The following ABHD17C variants were observed in gnomAD, a reference collection of about 807,000 sequenced individuals.
ABHD17C encodes abhydrolase domain containing 17C, depalmitoylase.
In ABHD17C, 11 loss-of-function variants were observed where a neutral mutation model predicts 27.9. The ratio of observed to expected loss-of-function variants is 0.39; its 90% CI spans 0.25 to 0.65. The LOEUF (loss-of-function observed/expected upper bound fraction) is 0.65, where lower values mean the gene tolerates loss of function less well. ABHD17C is among the 30% of genes least tolerant of loss of function. ABHD17C has a pLI of 0.45. For synonymous variants in ABHD17C, 233 were observed against 209.1 expected, an observed-to-expected ratio of 1.11 and a Z score of -0.98; for missense variants, 280 against 470.2, an observed-to-expected ratio of 0.60 and a Z score of 3.74.
chr15:80,752,778 G>A (rs1055151352), intron 2 of ABHD17C, among the ~76,000 whole-genome samples: 2 of 152,150 alleles, frequency 1.3e-5, no homozygotes, highest in African/African-American at 2.4e-5. Flanking sequence ...ATTTATTTGT[G>A]GATGAAATGA....
chr15:80,719,705 A>T (rs181897586), intron 1 of ABHD17C, among the ~76,000 whole-genome samples: 2 of 152,162 alleles, frequency 1.3e-5, no homozygotes, highest in African/African-American at 4.8e-5. Flanking sequence ...GTGTACTCCA[A>T]TCATGGCTTA....
At chr15:80,699,738 T>G (rs1239899090) in intron 1 of ABHD17C, among the ~76,000 whole-genome samples, 2 of 152,048 alleles carry the variant, frequency 1.3e-5, no homozygotes, top group African/African-American at 2.4e-5. Context: ...CAGGAGGAAG[T>G]AGATTTGGTA....
At chr15:80,749,376 T>G in intron 1 of ABHD17C, 137 bp from the exon 2 acceptor site, 1 of 824,430 alleles carries the variant, frequency 1.2e-6, no homozygotes, top group Non-Finnish European at 1.8e-6. Context: ...CATCTTAAAC[T>G]AAAGTGTACA....
chr15:80,753,234 T>TA (rs1366843624), intron 2 of ABHD17C, among the ~76,000 whole-genome samples: 1 of 151,932 alleles, frequency 6.6e-6, no homozygotes, highest in African/African-American at 2.4e-5. Flanking sequence ...AGATAATATA[T>TA]AAAAAATAGT....
chr15:80,696,441 C>G (rs137993635), intron 1 of ABHD17C, among the ~76,000 whole-genome samples: 3 of 152,330 alleles, frequency 2.0e-5, no homozygotes, highest in African/African-American at 7.2e-5. Flanking sequence ...GACTCAGTTT[C>G]CTTCCCTGTA....
intron 1 of ABHD17C, among the ~76,000 whole-genome samples, chr15:80,718,549 G>A (rs1894841526): frequency 6.6e-6 from 1 of 152,044 alleles, no homozygotes; most frequent in African/African-American, 2.4e-5. Flanking sequence ...GGCCAGGTTA[G>A]TCTTGAACTT....
At chr15:80,700,778 G>A (rs934000227) in intron 1 of ABHD17C, among the ~76,000 whole-genome samples, 1 of 152,064 alleles carries the variant, frequency 6.6e-6, no homozygotes, top group African/African-American at 2.4e-5. Flanking sequence ...GTGTGTGCCT[G>A]TAGTTCCAGC....
At chr15:80,732,739 A>C (rs1230423029) in intron 1 of ABHD17C, among the ~76,000 whole-genome samples, 2 of 152,226 alleles carry the variant, frequency 1.3e-5, no homozygotes, top group African/African-American at 4.8e-5. Flanking sequence ...GGTTCTGCCC[A>C]GCGGAAAGTG....
chr15:80,719,632 G>A (rs1423370131), intron 1 of ABHD17C, among the ~76,000 whole-genome samples: 1 of 152,190 alleles, frequency 6.6e-6, no homozygotes, highest in Non-Finnish European at 1.5e-5. Flanking sequence ...TCTACACATG[G>A]TTTCAGGGCT....
At chr15:80,752,417 A>G (rs764507572) in intron 2 of ABHD17C, among the ~76,000 whole-genome samples, 3 of 152,090 alleles carry the variant, frequency 2.0e-5, no homozygotes, top group Admixed American at 6.5e-5. Flanking sequence ...TTGTTTGTAG[A>G]TCTTTGGAAT....
At chr15:80,715,163 T>C (rs572055881) in intron 1 of ABHD17C, among the ~76,000 whole-genome samples, 11 of 152,358 alleles carry the variant, frequency 7.2e-5, no homozygotes, top group African/African-American at 2.4e-4. Context: ...TCTAACTGTT[T>C]TCTGATGACA....
chr15:80,726,514 T>G (rs1170137641), intron 1 of ABHD17C, among the ~76,000 whole-genome samples: 5 of 139,030 alleles, frequency 3.6e-5, no homozygotes, highest in Non-Finnish European at 4.6e-5. Flanking sequence ...TTTTTTTTTT[T>G]TTTTTTTTTT....
chr15:80,715,389 C>T (rs1894790409), intron 1 of ABHD17C, among the ~76,000 whole-genome samples: 1 of 152,202 alleles, frequency 6.6e-6, no homozygotes, highest in African/African-American at 2.4e-5. Flanking sequence ...TAGAGCCAGA[C>T]CACCTGAGTT....
intron 1 of ABHD17C, chr15:80,704,778 C>T (rs1402709258): frequency 1.3e-5 from 2 of 152,132 alleles, no homozygotes; most frequent in Admixed American, 1.3e-4. Flanking sequence ...CCCTGTGTGA[C>T]ACAGAGCTCA....
intron 1 of ABHD17C, among the ~76,000 whole-genome samples, chr15:80,722,527 G>A (rs1426875789): frequency 6.6e-6 from 1 of 151,688 alleles, no homozygotes; most frequent in East Asian, 1.9e-4. Flanking sequence ...CATCACTCCA[G>A]AAGTTTTCTC....
At chr15:80,697,144 C>T (rs965212729) in intron 1 of ABHD17C, among the ~76,000 whole-genome samples, 3 of 152,096 alleles carry the variant, frequency 2.0e-5, no homozygotes, top group Non-Finnish European at 4.4e-5. Context: ...TGACTCCTTG[C>T]CTGTCTGGGA....
chr15:80,738,251 C>T (rs554072252), intron 1 of ABHD17C, among the ~76,000 whole-genome samples: 78 of 152,192 alleles, frequency 5.1e-4, no homozygotes, highest in East Asian at 1.9e-4. Flanking sequence ...AGTCAAGAAC[C>T]GTAACACCTG....
rs952537761 is a variant in ABHD17C at position 80,721,373 on chromosome 15, A to T, written c.590+25354A>T. ...TCTGTGAAAGATACTTGGGTCTTTG[A>T]TGCTGCTAGCTTTCCTTGTATGTTG... On this transcript the variant is annotated intron_variant, in intron 1 of 2. Coordinates refer to ENST00000258884, the MANE Select transcript of ABHD17C (RefSeq NM_021214.2). Among the ~76,000 whole-genome samples the T allele has an allele frequency of 2.0e-5, 3 of 152,154 alleles. No individual in the cohort carries two copies. In the South Asian group the frequency reaches 6.2e-4, roughly 32 times the overall value.
chr15:80,705,548 A>G (rs1490623777), intron 1 of ABHD17C, among the ~76,000 whole-genome samples: 2 of 152,098 alleles, frequency 1.3e-5, no homozygotes, highest in Non-Finnish European at 2.9e-5. Context: ...TAGTAAGAGG[A>G]TGGTATTGTT....
Sources: gnomAD v4.1 joint callset for allele counts (sites outside exome capture counted in the v4.1 genomes callset) on GRCh38, gnomAD v4.1.1 for gene constraint, MANE v1.5 for transcripts, NCBI Gene and HGNC (gene_info 2026-07-23, HGNC 2026-07-21) for gene names.